TMEM178B: variants seen among roughly 807,000 people sequenced by gnomAD.
TMEM178B encodes transmembrane protein 178B.
In TMEM178B, 5 loss-of-function variants were observed where a neutral mutation model predicts 31.0. That is an observed-to-expected ratio of 0.16 (90% CI 0.08 to 0.34). The LOEUF is 0.34. Ranked by LOEUF, TMEM178B falls within the 10% of genes least tolerant of loss-of-function variation. The pLI, the probability that TMEM178B is intolerant of heterozygous loss-of-function variation, is 1.00. For missense variants in TMEM178B, 275 were observed against 400.3 expected (o/e 0.69, Z 2.67); for synonymous variants, 164 against 164.0 (o/e 1.00, Z 0.00).
At chr7:141,511,071 G>A in the TMEM178B span, among the ~76,000 whole-genome samples, 3 of 152,008 alleles carry the variant, frequency 2.0e-5, no homozygotes, top group African/African-American at 4.8e-5. Context: ...CAGTTCCAAC[G>A]GAGAAGTTGC....
intron 2 of TMEM178B, among the ~76,000 whole-genome samples, chr7:141,273,210 A>T (rs1233862186): frequency 6.6e-6 from 1 of 152,222 alleles, no homozygotes; most frequent in African/African-American, 2.4e-5. Context: ...AATGATGGTC[A>T]CCAGAGGCTG....
intron 2 of TMEM178B, among the ~76,000 whole-genome samples, chr7:141,362,015 C>G (rs959744551): frequency 6.6e-6 from 1 of 152,218 alleles, no homozygotes; most frequent in Non-Finnish European, 1.5e-5. Flanking sequence ...ATTTTTCTTA[C>G]AAGGCAAAAC....
intron 1 of TMEM178B, among the ~76,000 whole-genome samples, chr7:141,143,789 C>A (rs1795811510): frequency 6.7e-6 from 1 of 150,124 alleles, no homozygotes; most frequent in Non-Finnish European, 1.5e-5. Context: ...AGCATTAAAT[C>A]TATAGATTGC....
At position 141,113,102 on chromosome 7, in the gene TMEM178B, G is replaced by A. The variant is rs1458084118; in HGVS notation, c.382+38410G>A. ...GCAGGAACAGTTGGAGACATTTTGA[G>A]AGATGCTGAAGGATGAGAGTGAGAA... On this transcript the variant is annotated intron_variant, in intron 1 of 3. Coordinates refer to ENST00000565468, the MANE Select transcript of TMEM178B (RefSeq NM_001195278.2). Among the ~76,000 whole-genome samples, 5 of 152,224 alleles carry A rather than the reference G, an allele frequency of 3.3e-5. No individual in the cohort carries two copies. The East Asian group carries it at 7.7e-4, about 23-fold the overall frequency.
chr7:141,265,289 C>T (rs544643373), intron 2 of TMEM178B, among the ~76,000 whole-genome samples: 2 of 152,068 alleles, frequency 1.3e-5, no homozygotes, highest in Non-Finnish European at 2.9e-5. Flanking sequence ...TGGTGAAAGG[C>T]TTTGAATGGG....
chr7:141,411,181 G>A (rs1363292391), intron 2 of TMEM178B, among the ~76,000 whole-genome samples: 1 of 151,638 alleles, frequency 6.6e-6, no homozygotes, highest in Non-Finnish European at 1.5e-5. Context: ...TTAGAATGGT[G>A]TTCATGATGA....
chr7:141,366,059 G>A (rs1405391625), intron 2 of TMEM178B, among the ~76,000 whole-genome samples: 1 of 152,212 alleles, frequency 6.6e-6, no homozygotes, highest in Non-Finnish European at 1.5e-5. Context: ...AAAGCATAGA[G>A]CGCCTTTATG....
At chr7:141,191,225 C>G (rs551195404) in intron 1 of TMEM178B, among the ~76,000 whole-genome samples, 1 of 152,254 alleles carries the variant, frequency 6.6e-6, no homozygotes, top group Non-Finnish European at 1.5e-5. Flanking sequence ...GGCTGTATTG[C>G]CTTCCATTGC....
chr7:141,503,182 C>G, the TMEM178B span, among the ~76,000 whole-genome samples: 1 of 152,300 alleles, frequency 6.6e-6, no homozygotes, highest in East Asian at 1.9e-4. Flanking sequence ...CACGTGGAGT[C>G]AACCTTTATT....
chr7:141,499,985 T>C, the TMEM178B span, among the ~76,000 whole-genome samples: 6 of 152,198 alleles, frequency 3.9e-5, no homozygotes, highest in Non-Finnish European at 8.8e-5. Context: ...ACAAAGCATT[T>C]TTTTTCTCCC....
chr7:141,096,745 A>G (rs914705210), intron 1 of TMEM178B, among the ~76,000 whole-genome samples: 2 of 152,208 alleles, frequency 1.3e-5, no homozygotes, highest in African/African-American at 4.8e-5. Context: ...GCCTCAGCAA[A>G]TTAATCAAAC....
chr7:141,192,947 A>C (rs1453809161), intron 1 of TMEM178B, among the ~76,000 whole-genome samples: 12 of 152,194 alleles, frequency 7.9e-5, no homozygotes, highest in African/African-American at 2.9e-4. Context: ...TAAAAATCTT[A>C]ATGTATTCCA....
intron 1 of TMEM178B, among the ~76,000 whole-genome samples, chr7:141,106,194 T>G (rs1795143529): frequency 6.6e-6 from 1 of 152,116 alleles, no homozygotes; most frequent in Non-Finnish European, 1.5e-5. Flanking sequence ...GCATTCTTCA[T>G]AGTTGTTTTT....
intron 2 of TMEM178B, among the ~76,000 whole-genome samples, chr7:141,365,445 C>G (rs923144689): frequency 3.9e-5 from 6 of 152,142 alleles, no homozygotes; most frequent in African/African-American, 1.4e-4. Context: ...TGCTTAGGAC[C>G]TGTATGAATT....
Position 141,114,388 on chromosome 7 carries a change from C to T in TMEM178B, c.382+39696C>T, listed in dbSNP as rs545315257. Among the ~76,000 whole-genome samples, 42 of 152,186 alleles carry T rather than the reference C, an allele frequency of 2.8e-4. 1 individual carries two copies. The highest frequency in any genetic ancestry group is 9.4e-4 in the African/African-American group (39 of 41,526). On this transcript the variant is annotated intron_variant, in intron 1 of 3. Transcript: ENST00000565468. ...TCTCCCTTCAGCTGCACTGTATCTC[C>T]CTTCAGCTGCACTGTATCTCCCTTC...
intron 2 of TMEM178B, among the ~76,000 whole-genome samples, chr7:141,221,006 A>T (rs2129189485): frequency 6.6e-6 from 1 of 152,356 alleles, no homozygotes; most frequent in Middle Eastern, 3.4e-3. Context: ...ATTTAAGACT[A>T]CCTAGAGAGT....
chr7:141,165,891 T>C (rs1326360550), intron 1 of TMEM178B, among the ~76,000 whole-genome samples: 1 of 152,258 alleles, frequency 6.6e-6, no homozygotes, highest in Non-Finnish European at 1.5e-5. Context: ...AGTGACTTTA[T>C]GTACAGAAAG....
intron 2 of TMEM178B, among the ~76,000 whole-genome samples, chr7:141,249,777 T>C (rs1346265703): frequency 6.6e-6 from 1 of 152,224 alleles, no homozygotes; most frequent in Non-Finnish European, 1.5e-5. Context: ...TGGTTGTTGG[T>C]ACTATTTCAT....
chr7:141,168,368 C>T (rs904714259), intron 1 of TMEM178B, among the ~76,000 whole-genome samples: 1 of 152,160 alleles, frequency 6.6e-6, no homozygotes, highest in Non-Finnish European at 1.5e-5. Flanking sequence ...GAATGGGAAC[C>T]AAGGCTATTC....
Sources: allele counts gnomAD v4.1 joint callset (sites outside exome capture counted in the v4.1 genomes callset), GRCh38; gene constraint gnomAD v4.1.1; transcripts MANE v1.5; gene names NCBI Gene and HGNC (gene_info 2026-07-23, HGNC 2026-07-21).